NEDD4: variants seen among roughly 807,000 people sequenced by gnomAD.
NEDD4 encodes the protein NEDD4 E3 ubiquitin protein ligase.
Under a neutral mutation model 144.9 loss-of-function variants are expected in NEDD4, and 99 were observed. That is an observed-to-expected ratio of 0.68 (90% confidence interval 0.58 to 0.81). The LOEUF (loss-of-function observed/expected upper bound fraction) is 0.81, where lower values mean the gene tolerates loss of function less well. NEDD4 is among the 30% of genes least tolerant of loss of function. The pLI is 0.00. For missense variants in NEDD4, 985 were observed against 1,065.9 expected (o/e 0.92, Z 1.06); for synonymous variants, 318 against 350.6 (o/e 0.91, Z 1.04).
chr15:55,901,727 C>A (rs1046017378), intron 5 of NEDD4, among the ~76,000 whole-genome samples: 4 of 151,986 alleles, frequency 2.6e-5, no homozygotes, highest in African/African-American at 9.7e-5. Context: ...TATATGATTC[C>A]ATTTGTACAT....
intron 1 of NEDD4, among the ~76,000 whole-genome samples, chr15:55,972,383 G>A (rs1267785572): frequency 6.6e-6 from 1 of 152,052 alleles, no homozygotes; most frequent in African/African-American, 2.4e-5. Flanking sequence ...AAAGCAAGAA[G>A]GATAAAGTGT....
chr15:55,936,795 C>CT (rs762982574), intron 4 of NEDD4, among the ~76,000 whole-genome samples: 19,619 of 141,336 alleles, frequency 0.14, 1,449 homozygotes, highest in East Asian at 0.35. Context: ...TATTTCTTTT[C>CT]TTTTTTTTTT....
intron 4 of NEDD4, among the ~76,000 whole-genome samples, chr15:55,948,448 A>C (rs2142293738): frequency 6.6e-6 from 1 of 152,354 alleles, no homozygotes; most frequent in East Asian, 1.9e-4. Context: ...AATTGGAAAA[A>C]ACTACTTTAA....
intron 4 of NEDD4, among the ~76,000 whole-genome samples, chr15:55,929,682 A>G (rs78031481): frequency 0.028 from 4,311 of 152,308 alleles, 72 homozygotes; most frequent in Non-Finnish European, 0.035. Context: ...TATGCATTTT[A>G]CCTAGAGAAA....
At chr15:55,948,589 C>G (rs1167042057) in intron 4 of NEDD4, among the ~76,000 whole-genome samples, 5 of 152,198 alleles carry the variant, frequency 3.3e-5, no homozygotes, top group African/African-American at 9.6e-5. Flanking sequence ...CAGCATGGTA[C>G]TGGTATCAAA....
intron 5 of NEDD4, among the ~76,000 whole-genome samples, chr15:55,896,320 T>C (rs1200112362): frequency 6.6e-6 from 1 of 152,100 alleles, no homozygotes; most frequent in Non-Finnish European, 1.5e-5. Context: ...GTACCTGGGA[T>C]TAGAGACATG....
intron 2 of NEDD4, among the ~76,000 whole-genome samples, chr15:55,964,847 A>C (rs2037486797): frequency 6.6e-6 from 1 of 151,880 alleles, no homozygotes; most frequent in South Asian, 2.1e-4. Flanking sequence ...GGGTCATGGG[A>C]GCAAATCCCT....
chr15:55,980,430 G>GA (rs57358308), intron 1 of NEDD4, among the ~76,000 whole-genome samples: 21 of 150,596 alleles, frequency 1.4e-4, no homozygotes, highest in African/African-American at 2.2e-4. Flanking sequence ...TGATCCAAGG[G>GA]AAAAAAAAAT....
intron 5 of NEDD4, among the ~76,000 whole-genome samples, chr15:55,921,350 AGTCTCACTCTGTT>A (rs2036565808): frequency 6.6e-6 from 1 of 150,618 alleles, no homozygotes; most frequent in Non-Finnish European, 1.5e-5. Flanking sequence ...GCCGAGACGG[AGTCTCACTCTGTT>A]GCCTAGGCTG....
chr15:55,958,399 C>T (rs1442632884), intron 2 of NEDD4, among the ~76,000 whole-genome samples: 1 of 152,206 alleles, frequency 6.6e-6, no homozygotes, highest in Admixed American at 6.5e-5. Context: ...TATATTGCTA[C>T]ATAATGTTTA....
intron 18 of NEDD4, among the ~76,000 whole-genome samples, chr15:55,845,320 A>C (rs2033694759): frequency 6.6e-6 from 1 of 152,112 alleles, no homozygotes; most frequent in Admixed American, 6.6e-5. Flanking sequence ...CTGGAGCTAG[A>C]CCACTTAGCT....
intron 4 of NEDD4, among the ~76,000 whole-genome samples, chr15:55,930,478 G>A (rs755868939): frequency 6.6e-6 from 1 of 152,146 alleles, no homozygotes; most frequent in Non-Finnish European, 1.5e-5. Context: ...ATCACTCTAG[G>A]TGACCTTCCA....
At chr15:55,868,174 T>G (rs1385179094) in intron 8 of NEDD4, among the ~76,000 whole-genome samples, 1 of 152,192 alleles carries the variant, frequency 6.6e-6, no homozygotes, top group Non-Finnish European at 1.5e-5. Context: ...CTACCTGTTC[T>G]AGAGCTTTTC....
chr15:55,989,176 C>T (rs12595614), intron 1 of NEDD4, among the ~76,000 whole-genome samples: 23,580 of 152,110 alleles, frequency 0.16, 3,423 homozygotes, highest in East Asian at 0.44. Flanking sequence ...GCAGAGGGTG[C>T]AGTGAGCTGA....
chr15:55,910,077 T>C (rs2036222899), intron 5 of NEDD4, among the ~76,000 whole-genome samples: 1 of 152,202 alleles, frequency 6.6e-6, no homozygotes, highest in Non-Finnish European at 1.5e-5. Context: ...GTAACCTTTA[T>C]TTTTTTCTCC....
At chr15:55,930,338 A>G (rs1390523499) in intron 4 of NEDD4, among the ~76,000 whole-genome samples, 7 of 152,168 alleles carry the variant, frequency 4.6e-5, no homozygotes, top group East Asian at 3.8e-4. Context: ...TATGTTATCT[A>G]TTAATTTCTC....
chr15:55,848,682 T>G, intron 15 of NEDD4, 107 bp from the exon 16 acceptor site: 1 of 1,277,990 alleles, frequency 7.8e-7, no homozygotes, highest in Non-Finnish European at 1.1e-6. Flanking sequence ...TTCCATTCCA[T>G]TCTTAGAAGG....
intron 5 of NEDD4, 159 bp downstream of exon 5, chr15:55,924,487 G>A: frequency 3.3e-6 from 2 of 614,432 alleles, no homozygotes; most frequent in East Asian, 2.8e-5. Flanking sequence ...AGGACCAGGA[G>A]GAAGAAAACA....
chr15:55,980,030 C>T lies in NEDD4; in HGVS notation c.45+13481G>A, dbSNP rs113876054. Among the ~76,000 whole-genome samples, 8 of 152,174 alleles carry T rather than the reference C, an allele frequency of 5.3e-5. 1 individual carries two copies. The highest frequency in any genetic ancestry group is 1.9e-4 in the African/African-American group (8 of 41,512). ...GGCTCAAGTGATTCTCCTACCTCAG[C>T]CTCCTAGGCTCAAGTGATTCTCCTA... On this transcript the variant is annotated intron_variant, in intron 1 of 28. Coordinates refer to ENST00000435532, the MANE Select transcript of NEDD4 (RefSeq NM_006154.4).
Sources: allele counts gnomAD v4.1 joint callset (sites outside exome capture counted in the v4.1 genomes callset), GRCh38; gene constraint gnomAD v4.1.1; transcripts MANE v1.5; gene names NCBI Gene and HGNC (gene_info 2026-07-23, HGNC 2026-07-21).